The following PRKACA variants were observed in gnomAD, a reference collection of about 807,000 sequenced individuals.
PRKACA encodes the protein protein kinase cAMP-activated catalytic subunit alpha, also known as cAMP-dependent protein kinase catalytic subunit alpha.
In PRKACA, 9 loss-of-function variants were observed where a neutral mutation model predicts 45.8. That is an observed-to-expected ratio of 0.20 (90% CI 0.12 to 0.34). The LOEUF is 0.34. PRKACA is among the 10% of genes least tolerant of loss of function. The pLI is 1.00. For synonymous variants in PRKACA, 160 were observed against 178.6 expected (o/e 0.90, Z 0.83); for missense variants, 238 against 458.6 (o/e 0.52, Z 4.39).
chr19:14,108,035 T>C, intron 1 of PRKACA: 7 of 985,886 alleles, frequency 7.1e-6, no homozygotes, highest in Non-Finnish European at 8.4e-6. Flanking sequence ...TGCCGGCTGC[T>C]GTCTACACTG....
Position 14,100,272 on chromosome 19 carries a change from G to C in PRKACA, c.419+554C>G, listed in dbSNP as rs1977405869. 3.3e-5 allele frequency among the ~76,000 whole-genome samples: 5 copies of C among 151,670 alleles called. No individual in the cohort carries two copies. In the South Asian group the frequency reaches 1.0e-3, roughly 32 times the overall value. On this transcript the variant is annotated intron_variant, in intron 5 of 9. Transcript: ENST00000308677. The stretch of plus-strand genomic sequence containing the variant: ...ACTACAGATGCATGCCACCTTTTGG[G>C]GCTCAAAAAATGCACAAAATCAACA...
At chr19:14,110,735 T>C (rs1333116974) in intron 1 of PRKACA, among the ~76,000 whole-genome samples, 1 of 152,210 alleles carries the variant, frequency 6.6e-6, no homozygotes, top group Non-Finnish European at 1.5e-5. Context: ...GTATTTTCTA[T>C]GCTTCGTTCT....
Position 14,093,063 on chromosome 19 carries a change from A to G in PRKACA, c.*49T>C. ...TCCAACCCTCCCACCCCCCCGACCA[A>G]AAAAAAGAAAAAAGAAAAAAGAAAA... On this transcript the variant is annotated 3_prime_UTR_variant, in exon 10 of 10. Coordinates refer to ENST00000308677, the MANE Select transcript of PRKACA (RefSeq NM_002730.4). The G allele has an allele frequency of 6.6e-6, 3 of 456,710 alleles. No homozygotes were observed. The South Asian group carries it at 7.9e-5, about 12-fold the overall frequency. The allele number at this position is 456,710 out of a possible 1,614,324, so 28.3% of individuals were successfully genotyped here.
At chr19:14,100,763 G>T in intron 5 of PRKACA, 63 bp downstream of exon 5, 1 of 1,511,514 alleles carries the variant, frequency 6.6e-7, no homozygotes, top group Non-Finnish European at 9.2e-7. Flanking sequence ...CAGGGGGCTT[G>T]GTCGTGCACT....
chr19:14,101,778 T>C (rs1977450809), intron 4 of PRKACA, among the ~76,000 whole-genome samples: 1 of 151,682 alleles, frequency 6.6e-6, no homozygotes. Flanking sequence ...GAAGAATTGC[T>C]TGAACCCAGG....
intron 8 of PRKACA, among the ~76,000 whole-genome samples, chr19:14,095,184 T>G (rs1430023166): frequency 6.6e-6 from 1 of 151,914 alleles, no homozygotes; most frequent in Admixed American, 6.6e-5. Context: ...TTCTTTTTTT[T>G]TTTTGAGATG....
chr19:14,108,734 A>T (rs578132733), intron 1 of PRKACA, among the ~76,000 whole-genome samples: 117 of 131,714 alleles, frequency 8.9e-4, no homozygotes, highest in African/African-American at 1.7e-3. Context: ...AATTATTATT[A>T]TTTTTTTTTT....
At chr19:14,107,281 G>T in intron 2 of PRKACA, 67 bp downstream of exon 2, 1 of 1,488,298 alleles carries the variant, frequency 6.7e-7, no homozygotes, top group South Asian at 1.2e-5. Flanking sequence ...CTGTGTTGCT[G>T]GGACACAGCC....
At chr19:14,114,022 G>C in intron 1 of PRKACA, 2 of 1,273,058 alleles carry the variant, frequency 1.6e-6, no homozygotes, top group Non-Finnish European at 2.2e-6. Context: ...CCAGCCAGGG[G>C]TTCACATCCT....
rs942560867 is a variant in PRKACA, at chr19:14,117,758, T to C, written c.-211A>G. 11 of 158,574 alleles carry C rather than the reference T, an allele frequency of 6.9e-5. No individual in the cohort carries two copies. Among genetic ancestry groups the C allele is most frequent in the African/African-American group, 2.7e-4 (11 of 41,502 alleles). The allele number at this position is 158,574 out of a possible 1,614,324, so 9.8% of individuals were successfully genotyped here. On this transcript the variant is annotated 5_prime_UTR_variant, in exon 1 of 10. Coordinates refer to ENST00000308677, the MANE Select transcript of PRKACA (RefSeq NM_002730.4). ...CCTCAGCCCAAGATCTCTGCCGCTG[T>C]CTGTGACGCCCCCGCAGCCCGCCGC...
At chr19:14,113,962 C>G (rs578179373) in intron 1 of PRKACA, among the ~76,000 whole-genome samples, 7 of 152,188 alleles carry the variant, frequency 4.6e-5, no homozygotes, top group Non-Finnish European at 5.9e-5. Context: ...GATCCCCTCT[C>G]TCTTCCCCAG....
chr19:14,111,909 G>T (rs1333022709), intron 1 of PRKACA, among the ~76,000 whole-genome samples: 1 of 152,200 alleles, frequency 6.6e-6, no homozygotes. Context: ...CAAAAGGTCT[G>T]GTCCGTTTTC....
At chr19:14,094,020 GAGTT>G (rs1335200587) in intron 8 of PRKACA, among the ~76,000 whole-genome samples, 3 of 151,984 alleles carry the variant, frequency 2.0e-5, no homozygotes, top group East Asian at 1.9e-4. Flanking sequence ...AAAAATTCAA[GAGTT>G]AGTTATTTTA....
Position 14,106,817 on chromosome 19 carries a change from C to G in PRKACA, c.180G>C (p.Leu60=), listed in dbSNP as rs1977621764. The stretch of plus-strand genomic sequence containing the variant: ...GGTTCCCGGTCTCCTTGTGTTTCAC[C>G]AGCATCACCCGCCCGAAGGAGCCCG... The part of the protein sequence containing the change: ...LGTGSFGRVM[L]VKHKETGNHY... The change falls in exon 3 of 10, where the codon CTG becomes CTC. Residue 60 remains leucine (L), a synonymous_variant. Transcript: ENST00000308677. 1 of 1,614,198 alleles carries G rather than the reference C, an allele frequency of 6.2e-7. No homozygotes were observed. Among genetic ancestry groups the G allele is most frequent in the East Asian group, 2.2e-5 (1 of 44,858 alleles).
At position 14,101,088 on chromosome 19, in the gene PRKACA, G is replaced by T. The variant is rs41296286; in HGVS notation, c.337-180C>A. On this transcript the variant is annotated intron_variant, in intron 4 of 9. Transcript: ENST00000308677. ...CTGCTGTTAATGGGTGAAAGTGAGGGCTGGCTCAGAGGTATGTCAGGACCT... is the reference window on the plus strand; with the variant it reads ...CTGCTGTTAATGGGTGAAAGTGAGGTCTGGCTCAGAGGTATGTCAGGACCT... 2.4e-3 allele frequency: 1,476 copies of T among 602,630 alleles called. 19 individuals are homozygous for T. In the African/African-American group the frequency reaches 0.025, roughly 10 times the overall value. 37.3% of individuals were successfully genotyped at this position (602,630 alleles called of 1,614,324 possible). A position where few individuals can be genotyped will look rare whatever the true frequency, so the allele number is the denominator to read the frequency against.
rs578143981 is a variant in PRKACA at position 14,113,466 on chromosome 19, C to T, written c.46+4036G>A. Among the ~76,000 whole-genome samples, 6 of 152,268 alleles carry T rather than the reference C, an allele frequency of 3.9e-5. 1 individual carries two copies. In the East Asian group the frequency reaches 1.2e-3, roughly 29 times the overall value. ...TGGGTTCATAGGGAAAACTCCTTGA[C>T]ACCCCTTGAAAAGCCAGGACCACAG... On this transcript the variant is annotated intron_variant, in intron 1 of 9. Coordinates refer to ENST00000308677, the MANE Select transcript of PRKACA (RefSeq NM_002730.4).
intron 5 of PRKACA, among the ~76,000 whole-genome samples, chr19:14,100,060 G>C (rs1037371127): frequency 1.3e-5 from 2 of 151,866 alleles, no homozygotes; most frequent in African/African-American, 2.4e-5. Context: ...AACCAGGATG[G>C]TCTTGATCTC....
chr19:14,094,187 A>G lies in PRKACA; in HGVS notation c.766-395T>C, dbSNP rs796499817. On this transcript the variant is annotated intron_variant, in intron 8 of 9. Coordinates refer to ENST00000308677, the MANE Select transcript of PRKACA (RefSeq NM_002730.4). ...CAAGAATCTGCATTTCTTTTTTTGA[A>G]AAAAAAAAAAAAAAAAAAAAAAAAA... 1.2e-4 allele frequency among the ~76,000 whole-genome samples: 9 copies of G among 74,068 alleles called. 1 individual carries two copies. Among genetic ancestry groups the G allele is most frequent in the Middle Eastern group, 6.3e-3 (1 of 158 alleles). 48.6% of individuals were successfully genotyped at this position (74,068 alleles called of 152,430 possible).
At position 14,097,656 on chromosome 19, in the gene PRKACA, C is replaced by T. The variant is rs767755931; in HGVS notation, c.565G>A (p.Ala189Thr). 7 of 1,608,222 alleles carry T rather than the reference C, an allele frequency of 4.4e-6. No homozygotes were observed. Among genetic ancestry groups the T allele is most frequent in the South Asian group, 3.3e-5 (3 of 90,648 alleles). Residue 189 changes from alanine (A) to threonine (T), a missense_variant, in exon 7 of 10, where the codon GCC (alanine) becomes ACC (threonine). This residue lies in a region of PRKACA where 94 missense variants were observed against 240.9 expected (regional missense o/e 0.39). Coordinates refer to ENST00000308677, the MANE Select transcript of PRKACA (RefSeq NM_002730.4). The surrounding 1 kb of genome is among the most constrained non-coding windows in gnomAD (Gnocchi z 5.4). ...CAAGTGCGGCCCTTCACGCGCTTGG[C>T]GAAACCGAAGTCTGTCACCTGTGGG... Reference protein sequence around the residue: ...GYIQVTDFGFAKRVKGRTWTL... With the variant: ...GYIQVTDFGFTKRVKGRTWTL...
Sources: gnomAD v4.1 joint callset for allele counts (sites outside exome capture counted in the v4.1 genomes callset) on GRCh38, gnomAD v4.1.1 for gene constraint, gnomAD v4.1.1 regional missense constraint, Gnocchi (gnomAD v3.1) non-coding constraint, MANE v1.5 for transcripts, NCBI Gene and HGNC (gene_info 2026-07-23, HGNC 2026-07-21) for gene names.